ARL15: variants seen among roughly 807,000 people sequenced by gnomAD.
The protein encoded by ARL15 is ARF like GTPase 15.
ARL15 carries 19 observed loss-of-function variants against 25.2 expected under a neutral mutation model. The ratio of observed to expected loss-of-function variants is 0.75; its 90% CI spans 0.53 to 1.10. The LOEUF (loss-of-function observed/expected upper bound fraction) is 1.10. ARL15 is among the 50% of genes least tolerant of loss of function. ARL15 has a pLI of 0.00. For missense variants in ARL15, 220 were observed against 246.0 expected (o/e 0.89, Z 0.71); for synonymous variants, 94 against 86.8 (o/e 1.08, Z -0.46).
intron 4 of ARL15, among the ~76,000 whole-genome samples, chr5:53,919,411 C>G (rs1335597566): frequency 6.6e-6 from 1 of 152,138 alleles, no homozygotes; most frequent in Non-Finnish European, 1.5e-5. Context: ...TATCTGTGCT[C>G]CTGCCAAGGG....
intron 1 of ARL15, among the ~76,000 whole-genome samples, chr5:54,203,260 T>C (rs1320772962): frequency 1.3e-5 from 2 of 152,184 alleles, no homozygotes; most frequent in African/African-American, 4.8e-5. Flanking sequence ...AAAATATAAT[T>C]ATCCCTAATC....
chr5:53,939,237 C>T (rs1746449924), intron 4 of ARL15, among the ~76,000 whole-genome samples: 1 of 152,152 alleles, frequency 6.6e-6, no homozygotes, highest in Non-Finnish European at 1.5e-5. Flanking sequence ...CACTCGGGAA[C>T]GAATGTTTTC....
At chr5:54,114,410 A>AAAAAAAAAAAAAAAC in intron 3 of ARL15, among the ~76,000 whole-genome samples, 1 of 148,550 alleles carries the variant, frequency 6.7e-6, no homozygotes, top group African/African-American at 2.5e-5. Context: ...TCTCAAGAAA[A>AAAAAAAAAAAAAAAC]AAAAAAAAAA....
rs1745424645 is a variant in ARL15 at position 53,910,636 on chromosome 5, TATATATATATATATATATA to T, written c.463-23942_463-23924del. ...CTTAAAGTATAATAAAAAAAAATTA[TATATATATATATATATATA>T]TATATATATATATATATAAAGAAAA... On this transcript the variant is annotated intron_variant, in intron 4 of 4. Coordinates refer to ENST00000504924, the MANE Select transcript of ARL15 (RefSeq NM_019087.3). Among the ~76,000 whole-genome samples the T allele has an allele frequency of 5.3e-4, 58 of 109,270 alleles. 2 individuals carry two copies. The Middle Eastern group carries it at 0.016, about 31-fold the overall frequency. The allele number at this position is 109,270 out of a possible 152,430, so 71.7% of individuals were successfully genotyped here.
At chr5:54,294,755 C>A (rs1758423447) in intron 1 of ARL15, among the ~76,000 whole-genome samples, 2 of 152,208 alleles carry the variant, frequency 1.3e-5, no homozygotes, top group African/African-American at 4.8e-5. Context: ...GAAAATACTA[C>A]TCATAGTGTT....
intron 3 of ARL15, among the ~76,000 whole-genome samples, chr5:54,152,033 T>C (rs1754083551): frequency 6.6e-6 from 1 of 152,148 alleles, no homozygotes; most frequent in Non-Finnish European, 1.5e-5. Flanking sequence ...TCTTAATCTC[T>C]ATATTTACCA....
chr5:54,008,393 C>G (rs894254719), intron 4 of ARL15, among the ~76,000 whole-genome samples: 5 of 152,182 alleles, frequency 3.3e-5, no homozygotes, highest in Non-Finnish European at 7.3e-5. Context: ...ATTGCTCAAA[C>G]CTTTGTACCC....
At chr5:53,925,414 C>T (rs896238414) in intron 4 of ARL15, among the ~76,000 whole-genome samples, 2 of 152,098 alleles carry the variant, frequency 1.3e-5, no homozygotes, top group South Asian at 2.1e-4. Context: ...TCAAGCTGGT[C>T]TTGAACTCCT....
At position 53,887,257 on chromosome 5, in the gene ARL15, C is replaced by T. The variant is rs1340250155; in HGVS notation, c.463-544G>A. 5.5e-5 allele frequency: 34 copies of T among 620,146 alleles called. No homozygotes were observed. In the East Asian group the frequency reaches 6.4e-4, roughly 12 times the overall value. 38.4% of individuals were successfully genotyped at this position (620,146 alleles called of 1,614,324 possible). A position where few individuals can be genotyped will look rare whatever the true frequency, so the allele number is the denominator to read the frequency against. ...AGTATCTGCTTCTGAGACATGAGAG[C>T]GTGTTTTCTAGGAAAGAGGATAGAA... On this transcript the variant is annotated intron_variant, in intron 4 of 4. Transcript: ENST00000504924.
intron 1 of ARL15, among the ~76,000 whole-genome samples, chr5:54,215,345 C>A (rs1019256194): frequency 1.3e-5 from 2 of 151,932 alleles, no homozygotes; most frequent in Admixed American, 1.3e-4. Flanking sequence ...ATCTGACAAA[C>A]GCTAATTTGA....
At chr5:53,894,247 C>A (rs986946273) in intron 4 of ARL15, among the ~76,000 whole-genome samples, 9 of 152,186 alleles carry the variant, frequency 5.9e-5, no homozygotes, top group Admixed American at 5.2e-4. Flanking sequence ...CAGGTAATCA[C>A]CTGTGATTGA....
chr5:53,941,536 T>A (rs1271917399), intron 4 of ARL15, among the ~76,000 whole-genome samples: 1 of 152,226 alleles, frequency 6.6e-6, no homozygotes, highest in Admixed American at 6.5e-5. Flanking sequence ...TACATGAAGA[T>A]AAATGATGCC....
chr5:54,080,209 C>T (rs114947911), intron 4 of ARL15, among the ~76,000 whole-genome samples: 2,098 of 152,212 alleles, frequency 0.014, 16 homozygotes, highest in Admixed American at 0.02. Flanking sequence ...TTTGGGTATT[C>T]TGTTAGATAG....
chr5:54,114,369 A>T (rs1235213044), intron 3 of ARL15, among the ~76,000 whole-genome samples: 1 of 127,862 alleles, frequency 7.8e-6, no homozygotes, highest in Non-Finnish European at 1.6e-5. Flanking sequence ...GCGCCACTGC[A>T]CTCCAGCCTG....
At chr5:53,969,681 C>T (rs1290509340) in intron 4 of ARL15, among the ~76,000 whole-genome samples, 1 of 152,100 alleles carries the variant, frequency 6.6e-6, no homozygotes, top group Non-Finnish European at 1.5e-5. Flanking sequence ...CTCAACAAAA[C>T]CCACTACAAA....
chr5:54,040,430 A>G (rs1309535103), intron 4 of ARL15, among the ~76,000 whole-genome samples: 1 of 152,196 alleles, frequency 6.6e-6, no homozygotes, highest in African/African-American at 2.4e-5. Flanking sequence ...TAATTTTCAG[A>G]AAGAATACCT....
At chr5:54,173,854 A>C (rs1579873205) in intron 1 of ARL15, among the ~76,000 whole-genome samples, 1 of 149,712 alleles carries the variant, frequency 6.7e-6, no homozygotes, top group African/African-American at 2.5e-5. Flanking sequence ...CATTGCCCTC[A>C]CTCCCCTACA....
chr5:54,004,638 C>G (rs1748957921), intron 4 of ARL15, among the ~76,000 whole-genome samples: 1 of 152,172 alleles, frequency 6.6e-6, no homozygotes, highest in Non-Finnish European at 1.5e-5. Context: ...ATTGCCGCCT[C>G]TCTATCACAG....
At chr5:54,212,401 C>T (rs577298016) in intron 1 of ARL15, among the ~76,000 whole-genome samples, 5 of 152,128 alleles carry the variant, frequency 3.3e-5, no homozygotes, top group African/African-American at 1.2e-4. Flanking sequence ...TCCCTTTTCA[C>T]AGGAAAGCAA....
Sources: gnomAD v4.1 joint callset for allele counts (sites outside exome capture counted in the v4.1 genomes callset) on GRCh38, gnomAD v4.1.1 for gene constraint, MANE v1.5 for transcripts, NCBI Gene and HGNC (gene_info 2026-07-23, HGNC 2026-07-21) for gene names.